The following CEP128 variants were observed in gnomAD, a reference collection of about 807,000 sequenced individuals.
The protein encoded by CEP128 is centrosomal protein 128.
Under a neutral mutation model 156.7 loss-of-function variants are expected in CEP128, and 132 were observed. That is an observed-to-expected ratio of 0.84 (90% CI 0.73 to 0.97). CEP128 has a LOEUF of 0.97. Among genes scored for constraint, CEP128 ranks in the 50% least tolerant of loss-of-function variants. The pLI, the probability that CEP128 is intolerant of heterozygous loss-of-function variation, is 0.00. For missense variants in CEP128, 1,252 were observed against 1,281.9 expected (o/e 0.98, Z 0.36); for synonymous variants, 469 against 448.9 (o/e 1.04, Z -0.57).
chr14:80,837,085 C>T (rs370155975), intron 11 of CEP128, among the ~76,000 whole-genome samples: 1 of 152,310 alleles, frequency 6.6e-6, no homozygotes, highest in East Asian at 1.9e-4. Context: ...CCACTGGCTG[C>T]AGAACAAAGT....
chr14:80,557,548 C>G (rs902279362), intron 21 of CEP128, among the ~76,000 whole-genome samples: 1 of 152,108 alleles, frequency 6.6e-6, no homozygotes, highest in Non-Finnish European at 1.5e-5. Context: ...ATTCTGTTGG[C>G]AAGACACTTT....
intron 19 of CEP128, among the ~76,000 whole-genome samples, chr14:80,638,635 T>A (rs887392480): frequency 6.6e-6 from 1 of 152,196 alleles, no homozygotes. Context: ...ATACGATGTC[T>A]TTTACCCTTC....
chr14:80,806,331 A>C (rs546126138), intron 13 of CEP128, among the ~76,000 whole-genome samples: 3 of 152,218 alleles, frequency 2.0e-5, no homozygotes, highest in Non-Finnish European at 4.4e-5. Flanking sequence ...CTCTTTGGGA[A>C]GAAATAAAAT....
At chr14:80,783,160 C>T (rs889095765) in intron 15 of CEP128, among the ~76,000 whole-genome samples, 6 of 152,078 alleles carry the variant, frequency 3.9e-5, no homozygotes, top group Non-Finnish European at 7.4e-5. Context: ...ACACAATATG[C>T]TAAAAAACAA....
At chr14:80,786,341 G>A (rs559299012) in intron 14 of CEP128, among the ~76,000 whole-genome samples, 9 of 152,222 alleles carry the variant, frequency 5.9e-5, no homozygotes, top group African/African-American at 1.7e-4. Context: ...GATAATCTCC[G>A]TGAAACAGGA....
chr14:80,878,291 C>A (rs1270534867), intron 8 of CEP128, among the ~76,000 whole-genome samples: 1 of 152,110 alleles, frequency 6.6e-6, no homozygotes, highest in Non-Finnish European at 1.5e-5. Flanking sequence ...ACCCTCCATG[C>A]CCAAGAACCA....
intron 19 of CEP128, among the ~76,000 whole-genome samples, chr14:80,687,581 C>T (rs1009060154): frequency 6.6e-6 from 1 of 151,934 alleles, no homozygotes; most frequent in African/African-American, 2.4e-5. Flanking sequence ...GGAGACTACT[C>T]AAGGAGAAAG....
rs139074322 is a variant in CEP128 at position 80,825,246 on chromosome 14, T to G, written c.1209+5897A>C. 6.0e-3 allele frequency among the ~76,000 whole-genome samples: 912 copies of G among 152,312 alleles called. 9 individuals carry two copies. Among genetic ancestry groups the G allele is most frequent in the African/African-American group, 0.021 (875 of 41,572 alleles). ...ATATCACCCCCCAAGTAATTGGTAT[T>G]AGAGGCACATGCTACCACACCCAGC... On this transcript the variant is annotated intron_variant, in intron 13 of 24. Coordinates refer to ENST00000555265, the MANE Select transcript of CEP128 (RefSeq NM_152446.5).
At chr14:80,509,559 T>C (rs1888147599) in intron 23 of CEP128, among the ~76,000 whole-genome samples, 1 of 152,230 alleles carries the variant, frequency 6.6e-6, no homozygotes. Flanking sequence ...AGATGGATAG[T>C]TTGCAAAAAC....
intron 19 of CEP128, among the ~76,000 whole-genome samples, chr14:80,605,245 G>T (rs113875418): frequency 6.6e-6 from 1 of 152,034 alleles, no homozygotes; most frequent in South Asian, 2.1e-4. Flanking sequence ...CTAAGTGTTA[G>T]TTGTTGCCTC....
chr14:80,824,618 CAA>C (rs1566653105), intron 13 of CEP128, among the ~76,000 whole-genome samples: 1 of 152,208 alleles, frequency 6.6e-6, no homozygotes, highest in African/African-American at 2.4e-5. Flanking sequence ...TAAAACTTAA[CAA>C]GAGTCACCTT....
At chr14:80,565,286 C>T (rs1365343790) in intron 20 of CEP128, among the ~76,000 whole-genome samples, 4 of 152,080 alleles carry the variant, frequency 2.6e-5, no homozygotes, top group Non-Finnish European at 4.4e-5. Flanking sequence ...AAACAGAAGA[C>T]GTTAAGATAA....
chr14:80,507,527 A>C (rs922844916), intron 23 of CEP128, among the ~76,000 whole-genome samples: 1 of 152,222 alleles, frequency 6.6e-6, no homozygotes, highest in Non-Finnish European at 1.5e-5. Flanking sequence ...ATTTCAACCA[A>C]TGCTAGAAAT....
chr14:80,861,732 CA>C (rs1022187454), intron 9 of CEP128, among the ~76,000 whole-genome samples: 44 of 152,244 alleles, frequency 2.9e-4, no homozygotes, highest in African/African-American at 1.0e-3. Flanking sequence ...ACTGTAGTAG[CA>C]AAATTTGAAT....
chr14:80,797,185 C>T (rs1004597234), intron 13 of CEP128, among the ~76,000 whole-genome samples: 2 of 152,204 alleles, frequency 1.3e-5, no homozygotes, highest in Non-Finnish European at 2.9e-5. Context: ...TCTTCTGTAA[C>T]TACAGAGCAA....
chr14:80,531,080 TA>T (rs1355634875), intron 21 of CEP128, 194 bp from the exon 22 acceptor site: 1 of 311,212 alleles, frequency 3.2e-6, no homozygotes, highest in African/African-American at 2.2e-5. Flanking sequence ...TATTTCCTTT[TA>T]AAAAGTATAT....
intron 13 of CEP128, among the ~76,000 whole-genome samples, chr14:80,801,759 T>C (rs1377120166): frequency 1.3e-5 from 2 of 151,392 alleles, no homozygotes; most frequent in Non-Finnish European, 2.9e-5. Flanking sequence ...ATACAAAAAA[T>C]TAGCTGGGCA....
At chr14:80,831,558 A>T (rs1885800670) in intron 12 of CEP128, among the ~76,000 whole-genome samples, 1 of 152,060 alleles carries the variant, frequency 6.6e-6, no homozygotes, top group African/African-American at 2.4e-5. Context: ...TTTCAAGAAA[A>T]TCACACACAT....
chr14:80,895,674 C>T, intron 8 of CEP128, 44 bp downstream of exon 8: 1 of 1,362,264 alleles, frequency 7.3e-7, no homozygotes, highest in Non-Finnish European at 1.0e-6. Flanking sequence ...CCTACCCATC[C>T]TCTACATGTG....
Sources: gnomAD v4.1 joint callset for allele counts (sites outside exome capture counted in the v4.1 genomes callset) on GRCh38, gnomAD v4.1.1 for gene constraint, MANE v1.5 for transcripts, NCBI Gene and HGNC (gene_info 2026-07-23, HGNC 2026-07-21) for gene names.